The following KHDRBS2 variants were observed in gnomAD, a reference collection of about 807,000 sequenced individuals.
The protein encoded by KHDRBS2 is KH RNA binding domain containing, signal transduction associated 2, also known as KH domain-containing, RNA-binding, signal transduction-associated protein 2.
In KHDRBS2, 26 loss-of-function variants were observed where a neutral mutation model predicts 44.3. That is an observed-to-expected ratio of 0.59 (90% CI 0.43 to 0.81). The LOEUF (loss-of-function observed/expected upper bound fraction) is 0.81. Among genes scored for constraint, KHDRBS2 ranks in the 40% least tolerant of loss-of-function variants. The probability of loss-of-function intolerance (pLI) is 0.00; values close to 1 mark genes in which losing one functional copy is unlikely to be tolerated. For missense variants in KHDRBS2, 476 were observed against 433.1 expected, an observed-to-expected ratio of 1.10 and a Z score of -0.88; for synonymous variants, 194 against 151.1, an observed-to-expected ratio of 1.28 and a Z score of -2.08.
At chr6:62,064,466 A>C (rs1792985789) in intron 2 of KHDRBS2, among the ~76,000 whole-genome samples, 1 of 148,490 alleles carries the variant, frequency 6.7e-6, no homozygotes, top group Admixed American at 6.8e-5. Context: ...GAGCCCTCAG[A>C]AATAACGCCG....
At chr6:62,170,951 G>T (rs866463930) in intron 2 of KHDRBS2, among the ~76,000 whole-genome samples, 1 of 67,160 alleles carries the variant, frequency 1.5e-5, no homozygotes, top group Admixed American at 1.4e-4. Context: ...GAAGATAAAC[G>T]CAAAAAAAAA....
chr6:61,754,267 G>A (rs1778156616), intron 6 of KHDRBS2, among the ~76,000 whole-genome samples: 1 of 152,124 alleles, frequency 6.6e-6, no homozygotes, highest in South Asian at 2.1e-4. Flanking sequence ...AAGGGGTCTA[G>A]TGAGGGACCA....
intron 6 of KHDRBS2, among the ~76,000 whole-genome samples, chr6:61,769,935 C>T (rs545369453): frequency 6.6e-6 from 1 of 152,172 alleles, no homozygotes; most frequent in South Asian, 2.1e-4. Context: ...GAGGCACCCC[C>T]CAGTAGGGGT....
At chr6:61,639,136 A>G in the KHDRBS2 span, among the ~76,000 whole-genome samples, 2 of 152,112 alleles carry the variant, frequency 1.3e-5, no homozygotes, top group South Asian at 2.1e-4. Flanking sequence ...GAGCTGATGC[A>G]TTTTGCTTAC....
chr6:61,631,079 A>G, the KHDRBS2 span, among the ~76,000 whole-genome samples: 3 of 152,022 alleles, frequency 2.0e-5, no homozygotes, highest in Admixed American at 1.3e-4. Flanking sequence ...ATAAAGAAAG[A>G]TAAGAGGGAA....
chr6:61,549,506 A>G, the KHDRBS2 span, among the ~76,000 whole-genome samples: 2 of 152,170 alleles, frequency 1.3e-5, no homozygotes, highest in African/African-American at 4.8e-5. Flanking sequence ...AGGAATAATT[A>G]TATTTTCCAA....
the KHDRBS2 span, among the ~76,000 whole-genome samples, chr6:61,569,376 T>C: frequency 6.6e-6 from 1 of 152,086 alleles, no homozygotes; most frequent in Non-Finnish European, 1.5e-5. Context: ...CCTGAGAAGC[T>C]AAAATACTTA....
At chr6:61,565,530 A>G in the KHDRBS2 span, among the ~76,000 whole-genome samples, 1 of 152,172 alleles carries the variant, frequency 6.6e-6, no homozygotes, top group Non-Finnish European at 1.5e-5. Context: ...TTTTCAAAAG[A>G]AGACATACAA....
At position 62,048,121 on chromosome 6, in the gene KHDRBS2, T is replaced by TACACACACACACACACACACAC. The variant is rs58133580; in HGVS notation, c.220-149_220-128dup. The TACACACACACACACACACACAC allele has an allele frequency of 1.5e-5, 6 of 405,534 alleles. No individual in the cohort carries two copies. The East Asian group carries it at 1.7e-4, about 12-fold the overall frequency. The allele number at this position is 405,534 out of a possible 1,614,324, so 25.1% of individuals were successfully genotyped here. Reference sequence around the variant, plus strand: ...TGAGAAGAGAGTCATGCCATAAACATACACACACACACACACACACACACA... The same window carrying TACACACACACACACACACACAC: ...TGAGAAGAGAGTCATGCCATAAACATACACACACACACACACACACACACACACACACACACACACACACACA... On this transcript the variant is annotated intron_variant, in intron 2 of 8. Coordinates refer to ENST00000281156, the MANE Select transcript of KHDRBS2 (RefSeq NM_152688.4).
chr6:62,094,068 G>A (rs1562841526), intron 2 of KHDRBS2, among the ~76,000 whole-genome samples: 1 of 151,838 alleles, frequency 6.6e-6, no homozygotes, highest in East Asian at 1.9e-4. Context: ...TAGACCTTAT[G>A]ATAATACTAT....
At chr6:62,046,906 C>A (rs756022202) in intron 3 of KHDRBS2, among the ~76,000 whole-genome samples, 1 of 151,840 alleles carries the variant, frequency 6.6e-6, no homozygotes, top group African/African-American at 2.4e-5. Flanking sequence ...TCTAAGAAAG[C>A]ACCCAAATGG....
chr6:61,751,997 C>T (rs7751317), intron 6 of KHDRBS2, among the ~76,000 whole-genome samples: 63,002 of 151,812 alleles, frequency 0.41, 13,471 homozygotes, highest in Middle Eastern at 0.51. Flanking sequence ...CAAATCATAT[C>T]CAATTAGGGT....
the KHDRBS2 span, among the ~76,000 whole-genome samples, chr6:61,614,028 G>T: frequency 1.3e-5 from 2 of 152,164 alleles, no homozygotes; most frequent in Admixed American, 1.3e-4. Flanking sequence ...TTTTAACCCA[G>T]AAATGGTGCT....
At chr6:62,017,247 G>A (rs1179010304) in intron 3 of KHDRBS2, among the ~76,000 whole-genome samples, 1 of 151,930 alleles carries the variant, frequency 6.6e-6, no homozygotes, top group Non-Finnish European at 1.5e-5. Flanking sequence ...ATTGTAGGAA[G>A]GTAAAAATTG....
chr6:61,884,502 C>T (rs966870080), intron 6 of KHDRBS2, among the ~76,000 whole-genome samples: 7 of 151,926 alleles, frequency 4.6e-5, no homozygotes, highest in African/African-American at 1.4e-4. Flanking sequence ...TTTTGTCTAC[C>T]TGAAGTGTCT....
At chr6:62,230,306 A>T (rs1440019513) in intron 1 of KHDRBS2, among the ~76,000 whole-genome samples, 1 of 152,220 alleles carries the variant, frequency 6.6e-6, no homozygotes, top group Non-Finnish European at 1.5e-5. Context: ...GAAGTAGCTA[A>T]AAAATGAAAC....
intron 1 of KHDRBS2, among the ~76,000 whole-genome samples, chr6:62,204,028 G>C (rs1343046854): frequency 6.6e-6 from 1 of 152,052 alleles, no homozygotes; most frequent in African/African-American, 2.4e-5. Context: ...CATGTGATCT[G>C]CACATCCCAG....
chr6:62,199,508 C>T (rs1282184130), intron 1 of KHDRBS2, among the ~76,000 whole-genome samples: 1 of 152,018 alleles, frequency 6.6e-6, no homozygotes, highest in East Asian at 1.9e-4. Context: ...AATAAAATAC[C>T]TAGGAATCCA....
chr6:61,877,968 TATG>T (rs1799677806), intron 6 of KHDRBS2, among the ~76,000 whole-genome samples: 1 of 152,008 alleles, frequency 6.6e-6, no homozygotes, highest in Non-Finnish European at 1.5e-5. Flanking sequence ...TAAAAAGAAA[TATG>T]ATAAAATTAA....
Sources: gnomAD v4.1 joint callset for allele counts (sites outside exome capture counted in the v4.1 genomes callset) on GRCh38, gnomAD v4.1.1 for gene constraint, MANE v1.5 for transcripts, NCBI Gene and HGNC (gene_info 2026-07-23, HGNC 2026-07-21) for gene names.